Variants in NRK observed in about 807,000 individuals in gnomAD.
NRK encodes the protein Nik related kinase, also known as nik-related protein kinase.
A neutral mutation model predicts 125.2 loss-of-function variants in NRK; 67 were observed. The ratio of observed to expected loss-of-function variants is 0.54; its 90% CI spans 0.44 to 0.66. The LOEUF is 0.66. NRK is among the 30% of genes least tolerant of loss of function. The pLI, the probability that NRK is intolerant of heterozygous loss-of-function variation, is 0.00. For synonymous variants in NRK, 458 were observed against 429.0 expected (o/e 1.07, Z -0.84); for missense variants, 1,224 against 1,192.9 (o/e 1.03, Z -0.38).
At chrX:105,921,232 C>T (rs1373264655) in intron 16 of NRK, among the ~76,000 whole-genome samples, 1 of 103,925 alleles carries the variant, frequency 9.6e-6, no homozygotes, top group Admixed American at 1.1e-4. Flanking sequence ...ATCACAAGAA[C>T]AAAAAACCAA....
At chrX:105,937,123 A>T (rs1418981582) in intron 21 of NRK, among the ~76,000 whole-genome samples, 11 of 109,235 alleles carry the variant, frequency 1.0e-4, no homozygotes, top group Non-Finnish European at 2.1e-4. Flanking sequence ...CAGCCAGTGG[A>T]ATACTGCCAG....
At chrX:105,830,083 C>G (rs1427205047) in intron 1 of NRK, among the ~76,000 whole-genome samples, 1 of 108,820 alleles carries the variant, frequency 9.2e-6, no homozygotes, top group Non-Finnish European at 1.9e-5. Flanking sequence ...GTGGCTCATG[C>G]CTGTAATCCC....
intron 4 of NRK, among the ~76,000 whole-genome samples, chrX:105,882,946 C>T (rs985312629): frequency 9.8e-5 from 11 of 112,314 alleles, no homozygotes; most frequent in Non-Finnish European, 2.1e-4. Context: ...CTCTGGCACA[C>T]TTTCCTTAGA....
chrX:105,929,316 T>G (rs897412297), intron 19 of NRK, among the ~76,000 whole-genome samples: 7 of 112,033 alleles, frequency 6.2e-5, no homozygotes, highest in Non-Finnish European at 5.7e-5. Context: ...TCACGCTTGC[T>G]TTTGATTTCT....
chrX:105,826,375 T>C (rs866752572), intron 1 of NRK, among the ~76,000 whole-genome samples: 40 of 78,607 alleles, frequency 5.1e-4, no homozygotes, highest in Middle Eastern at 6.2e-3. Context: ...ATATTATATA[T>C]ATTATCATAT....
chrX:105,909,394 G>C lies in NRK; in HGVS notation c.1753G>C (p.Ala585Pro). 1 of 1,206,339 alleles carries C rather than the reference G, an allele frequency of 8.3e-7. No individual in the cohort carries two copies. Among genetic ancestry groups the C allele is most frequent in the Non-Finnish European group, 1.1e-6 (1 of 892,495 alleles). The change falls in exon 13 of 29, where the codon GCC becomes CCC. Residue 585 changes from alanine to proline, a missense_variant. Ala to Pro is a conservative substitution (Grantham distance 27). Transcript: ENST00000243300. ...GGAACCTGAGTCATTACGAGTAAAT[G>C]CCCAGGTATTTCTGCCCCTGCTATC... Reference protein sequence around the residue: ...AEEPESLRVNAQVFLPLLSQD... With the variant: ...AEEPESLRVNPQVFLPLLSQD...
intron 16 of NRK, among the ~76,000 whole-genome samples, chrX:105,918,325 C>G (rs1342328260): frequency 9.0e-6 from 1 of 111,136 alleles, no homozygotes. Context: ...TGCAATCTGG[C>G]ATTATCCAGT....
intron 16 of NRK, 24 bp downstream of exon 16, chrX:105,917,696 G>A (rs751494391): frequency 4.6e-6 from 4 of 873,176 alleles, no homozygotes; most frequent in Non-Finnish European, 6.4e-6. Flanking sequence ...CAAAATTTTA[G>A]CAGGCAAAAC....
At chrX:105,888,102 T>G (rs953951631) in intron 4 of NRK, among the ~76,000 whole-genome samples, 192 bp from the exon 5 acceptor site, 3 of 112,362 alleles carry the variant, frequency 2.7e-5, no homozygotes, top group African/African-American at 9.7e-5. Flanking sequence ...GTTTACCCTT[T>G]TTATTCCCCC....
intron 22 of NRK, among the ~76,000 whole-genome samples, chrX:105,939,293 C>T (rs151117220): frequency 2.7e-5 from 3 of 111,418 alleles, no homozygotes; most frequent in African/African-American, 9.8e-5. Context: ...TTTTCATGGC[C>T]TGTGTTTCCT....
At chrX:105,857,603 C>T (rs1330016728) in intron 2 of NRK, among the ~76,000 whole-genome samples, 1 of 111,218 alleles carries the variant, frequency 9.0e-6, no homozygotes, top group Admixed American at 9.6e-5. Flanking sequence ...AAAAATCCCC[C>T]CCTTTTTTTT....
chrX:105,822,769 A>C lies in NRK; in HGVS notation c.-77A>C. The C allele has an allele frequency of 1.0e-6, 1 of 960,283 alleles. No individual in the cohort carries two copies. The highest frequency in any genetic ancestry group is 1.5e-6 in the Non-Finnish European group (1 of 683,889). The allele number at this position is 960,283 out of a possible 1,213,427, so 79.1% of individuals were successfully genotyped here. A position where few individuals can be genotyped will look rare whatever the true frequency, so the allele number is the denominator to read the frequency against. Reference sequence around the variant, plus strand: ...CTCCTCCTTCCTCTCTCCTCCCTTCAACTCTTCATCCGCTTCCACCTCAGA... The same window carrying C: ...CTCCTCCTTCCTCTCTCCTCCCTTCCACTCTTCATCCGCTTCCACCTCAGA... On this transcript the variant is annotated 5_prime_UTR_variant, in exon 1 of 29. Transcript: ENST00000243300.
At position 105,939,949 on chromosome X, in the gene NRK, A is replaced by G. The variant is rs781356878; in HGVS notation, c.3875A>G (p.Lys1292Arg). 2.3e-5 allele frequency: 27 copies of G among 1,187,476 alleles called. No individual in the cohort carries two copies. Among genetic ancestry groups the G allele is most frequent in the Non-Finnish European group, 2.2e-5 (19 of 878,010 alleles). ...ATTTTGAATAATGATCCAGAAAGTA[A>G]AAGAAGGCAAGAAGAAATGCTGAAG... ...NKILNNDPES[K>R]RRQEEMLKTE... Residue 1292 changes from lysine (K) to arginine (R), a missense_variant, in exon 23 of 29, where the codon AAA becomes AGA. Coordinates refer to ENST00000243300, the MANE Select transcript of NRK (RefSeq NM_198465.4).
At chrX:105,910,028 TA>T (rs1411738213) in intron 13 of NRK, 146 bp downstream of exon 13, 8 of 443,541 alleles carry the variant, frequency 1.8e-5, no homozygotes, top group Non-Finnish European at 2.5e-5. Context: ...GTACTTCAAA[TA>T]AATTTTCATG....
At chrX:105,948,388 G>T (rs756512022) in intron 26 of NRK, 66 of 199,682 alleles carry the variant, frequency 3.3e-4, no homozygotes, top group Admixed American at 5.3e-4. Context: ...GGAGGGGGGT[G>T]TCTTCTGAGA....
chrX:105,828,523 A>G (rs1316268265), intron 1 of NRK, among the ~76,000 whole-genome samples: 1 of 112,341 alleles, frequency 8.9e-6, no homozygotes. Context: ...CAGATGTTAC[A>G]ATAATTCTCT....
intron 7 of NRK, among the ~76,000 whole-genome samples, chrX:105,898,312 C>T (rs1162146332): frequency 1.8e-5 from 2 of 111,030 alleles, no homozygotes; most frequent in African/African-American, 3.3e-5. Flanking sequence ...CAGAGTGTCC[C>T]GACAGAACAT....
chrX:105,919,202 C>A (rs2040406963), intron 16 of NRK, among the ~76,000 whole-genome samples: 1 of 110,293 alleles, frequency 9.1e-6, no homozygotes, highest in Admixed American at 9.7e-5. Context: ...TCTTGAAAAT[C>A]TAAGCACACA....
chrX:105,823,960 G>T (rs1051207445), intron 1 of NRK, among the ~76,000 whole-genome samples: 2 of 112,188 alleles, frequency 1.8e-5, no homozygotes, highest in Admixed American at 9.4e-5. Context: ...ATTCAAAGTC[G>T]ATTGACTTAA....
Sources: allele counts gnomAD v4.1 joint callset (sites outside exome capture counted in the v4.1 genomes callset), GRCh38; gene constraint gnomAD v4.1.1; transcripts MANE v1.5; gene names NCBI Gene and HGNC (gene_info 2026-07-23, HGNC 2026-07-21).